SNX9: variants seen among roughly 807,000 people sequenced by gnomAD.
SNX9 encodes sorting nexin 9, also known as sorting nexin-9.
In SNX9, 44 loss-of-function variants were observed where a neutral mutation model predicts 89.4. That is an observed-to-expected ratio of 0.49 (90% CI 0.39 to 0.63). The LOEUF is 0.63. Ranked by LOEUF, SNX9 falls within the 30% of genes least tolerant of loss-of-function variation. SNX9 has a pLI of 0.00. For synonymous variants in SNX9, 236 were observed against 247.8 expected (o/e 0.95, Z 0.45); for missense variants, 578 against 736.1 (o/e 0.79, Z 2.49).
At chr6:157,889,014 T>G in intron 4 of SNX9, among the ~76,000 whole-genome samples, 1 of 148,372 alleles carries the variant, frequency 6.7e-6, no homozygotes, top group African/African-American at 2.5e-5. Context: ...GAAGGGGAGG[T>G]GTAAGGAAAG....
chr6:157,834,304 C>G (rs948173105), intron 1 of SNX9, among the ~76,000 whole-genome samples: 1 of 150,640 alleles, frequency 6.6e-6, no homozygotes, highest in Admixed American at 6.6e-5. Context: ...AGTAAGCTGA[C>G]ACCACAAAGT....
At position 157,940,666 on chromosome 6, in the gene SNX9, C is replaced by T. The variant is rs183644718; in HGVS notation, c.1649-217C>T. Among the ~76,000 whole-genome samples the T allele has an allele frequency of 1.2e-4, 18 of 152,382 alleles. 1 individual carries two copies. The highest frequency in any genetic ancestry group is 4.1e-4 in the African/African-American group (17 of 41,576). On this transcript the variant is annotated intron_variant, in intron 16 of 17. Transcript: ENST00000392185. ...CTCCTGACCTCAGGTGATCCACCCACCTCACCTCCCAGAGTGCTGGGATTA... is the reference window on the plus strand; with the variant it reads ...CTCCTGACCTCAGGTGATCCACCCATCTCACCTCCCAGAGTGCTGGGATTA...
At chr6:157,915,928 A>G (rs1481815601) in intron 9 of SNX9, among the ~76,000 whole-genome samples, 1 of 150,816 alleles carries the variant, frequency 6.6e-6, no homozygotes, top group East Asian at 1.9e-4. Flanking sequence ...GCATATAGAG[A>G]TCGCTTGATT....
At chr6:157,899,024 C>G (rs2115166727) in intron 5 of SNX9, among the ~76,000 whole-genome samples, 1 of 149,602 alleles carries the variant, frequency 6.7e-6, no homozygotes, top group Non-Finnish European at 1.5e-5. Flanking sequence ...GGACCTGACA[C>G]TAAAGGACAC....
chr6:157,851,173 G>T (rs1435897971), intron 1 of SNX9, among the ~76,000 whole-genome samples: 2 of 151,636 alleles, frequency 1.3e-5, no homozygotes, highest in Admixed American at 1.3e-4. Context: ...CAGGAGAATT[G>T]CCTGAACCTG....
chr6:157,896,533 G>GA (rs1032956084), intron 4 of SNX9, among the ~76,000 whole-genome samples: 2 of 152,178 alleles, frequency 1.3e-5, no homozygotes, highest in Admixed American at 1.3e-4. Context: ...CTTCTGGAGA[G>GA]AAAGAAAGAG....
In SNX9 at chr6:157,907,082, C is replaced by T. The variant is rs992048052; in HGVS notation, c.705+870C>T. Among the ~76,000 whole-genome samples the T allele has an allele frequency of 6.6e-5, 10 of 152,168 alleles. No individual in the cohort carries two copies. In the East Asian group the frequency reaches 1.5e-3, roughly 23 times the overall value. ...TCCTGGAAGCCTCCAAGCTGAAGAG[C>T]TGTAACCAAGAGCCCTTTTTATGCT... On this transcript the variant is annotated intron_variant, in intron 7 of 17. Coordinates refer to ENST00000392185, the MANE Select transcript of SNX9 (RefSeq NM_016224.5).
At chr6:157,867,289 T>C (rs537112737) in intron 1 of SNX9, among the ~76,000 whole-genome samples, 26 of 152,290 alleles carry the variant, frequency 1.7e-4, no homozygotes, top group African/African-American at 6.0e-4. Context: ...TTTTTAGGGT[T>C]GATCTCTAAA....
intron 1 of SNX9, among the ~76,000 whole-genome samples, chr6:157,859,345 A>G (rs1782073182): frequency 6.6e-6 from 1 of 152,234 alleles, no homozygotes; most frequent in South Asian, 2.1e-4. Flanking sequence ...AAAAAGGTGT[A>G]GCATGCTATA....
intron 3 of SNX9, chr6:157,874,487 G>C (rs1782479929): frequency 6.6e-6 from 1 of 152,168 alleles, no homozygotes; most frequent in African/African-American, 2.4e-5. Flanking sequence ...TTACCTTTAA[G>C]AATATAAAAC....
chr6:157,856,763 T>C (rs1583201908), intron 1 of SNX9, among the ~76,000 whole-genome samples: 1 of 152,356 alleles, frequency 6.6e-6, no homozygotes, highest in Non-Finnish European at 1.5e-5. Flanking sequence ...GTTTAATATA[T>C]TCTTTTGTAT....
At chr6:157,835,581 T>A (rs1159864411) in intron 1 of SNX9, among the ~76,000 whole-genome samples, 3 of 151,926 alleles carry the variant, frequency 2.0e-5, no homozygotes, top group African/African-American at 7.3e-5. Context: ...CACCCAAATC[T>A]CATCTTGAAT....
At chr6:157,925,903 A>T (rs9347771) in intron 10 of SNX9, among the ~76,000 whole-genome samples, 1 of 150,906 alleles carries the variant, frequency 6.6e-6, no homozygotes, top group South Asian at 2.1e-4. Flanking sequence ...AGATCAAGGC[A>T]CCAGCATTTG....
intron 1 of SNX9, among the ~76,000 whole-genome samples, chr6:157,843,374 AAC>A (rs369705611): frequency 5.5e-4 from 83 of 152,084 alleles, no homozygotes; most frequent in African/African-American, 1.9e-3. Flanking sequence ...GCAAACAGTT[AAC>A]ACATATTTTG....
At chr6:157,840,422 T>TC (rs748816290) in intron 1 of SNX9, among the ~76,000 whole-genome samples, 4,361 of 141,542 alleles carry the variant, frequency 0.031, 184 homozygotes, top group Non-Finnish European at 0.035. Flanking sequence ...TTTCTTTCTT[T>TC]TCTTTCTTTT....
intron 4 of SNX9, among the ~76,000 whole-genome samples, chr6:157,894,465 T>TTAA (rs1250881015): frequency 7.0e-5 from 7 of 100,708 alleles, no homozygotes; most frequent in African/African-American, 2.3e-4. Flanking sequence ...ATTTAAATGT[T>TTAA]AAAAAAAAAA....
chr6:157,897,126 G>A, intron 5 of SNX9, 128 bp downstream of exon 5: 1 of 910,002 alleles, frequency 1.1e-6, no homozygotes, highest in Non-Finnish European at 1.6e-6. Flanking sequence ...CCACAGCATG[G>A]GAAGGGAGGA....
chr6:157,879,206 G>A (rs978307923), intron 4 of SNX9, among the ~76,000 whole-genome samples: 1 of 152,212 alleles, frequency 6.6e-6, no homozygotes, highest in East Asian at 1.9e-4. Context: ...GGGCAAGAAC[G>A]TTTCCTACGG....
chr6:157,907,253 G>A (rs1263983793), intron 7 of SNX9, among the ~76,000 whole-genome samples: 1 of 151,686 alleles, frequency 6.6e-6, no homozygotes, highest in Non-Finnish European at 1.5e-5. Context: ...AATCAAGAGC[G>A]CACAGCTCTG....
Sources: allele counts gnomAD v4.1 joint callset (sites outside exome capture counted in the v4.1 genomes callset), GRCh38; gene constraint gnomAD v4.1.1; transcripts MANE v1.5; gene names NCBI Gene and HGNC (gene_info 2026-07-23, HGNC 2026-07-21).